The following SUGCT variants were observed in gnomAD, a reference collection of about 807,000 sequenced individuals.
The protein encoded by SUGCT is succinyl-CoA:glutarate-CoA transferase.
In SUGCT, 41 loss-of-function variants were observed where a neutral mutation model predicts 55.0. That is an observed-to-expected ratio of 0.74 (90% CI 0.58 to 0.97). The LOEUF is 0.97. Among genes scored for constraint, SUGCT ranks in the 50% least tolerant of loss-of-function variants. The pLI is 0.00. For synonymous variants in SUGCT, 187 were observed against 200.4 expected (o/e 0.93, Z 0.56); for missense variants, 568 against 547.8 (o/e 1.04, Z -0.37).
At chr7:40,322,885 G>A (rs1795825022) in intron 9 of SUGCT, among the ~76,000 whole-genome samples, 1 of 152,004 alleles carries the variant, frequency 6.6e-6, no homozygotes, top group Non-Finnish European at 1.5e-5. Flanking sequence ...CCTCCCACCT[G>A]ACTTGGAAGG....
chr7:40,989,136 G>C, the SUGCT span, among the ~76,000 whole-genome samples: 1 of 152,050 alleles, frequency 6.6e-6, no homozygotes, highest in Admixed American at 6.6e-5. Context: ...ATCATTTGAG[G>C]CTTCAGCACA....
intron 1 of SUGCT, chr7:40,153,363 T>TG (rs1347284182): frequency 1.1e-5 from 4 of 360,512 alleles, no homozygotes; most frequent in African/African-American, 4.3e-5. Context: ...GAAGAGATTC[T>TG]GGGGGTGATG....
At chr7:41,001,029 T>A in the SUGCT span, among the ~76,000 whole-genome samples, 1 of 152,194 alleles carries the variant, frequency 6.6e-6, no homozygotes, top group Non-Finnish European at 1.5e-5. Flanking sequence ...CAGCCATATA[T>A]CCATGTGGAG....
intron 7 of SUGCT, among the ~76,000 whole-genome samples, chr7:40,254,062 C>T (rs976950669): frequency 4.6e-5 from 7 of 152,172 alleles, no homozygotes; most frequent in Non-Finnish European, 1.0e-4. Context: ...TTCGTTATTT[C>T]ATAAAAGTTA....
At chr7:40,999,785 C>A in the SUGCT span, among the ~76,000 whole-genome samples, 9 of 152,174 alleles carry the variant, frequency 5.9e-5, no homozygotes, top group African/African-American at 2.2e-4. Context: ...CTTCCTTCAT[C>A]CTTCCTCCAT....
intron 13 of SUGCT, among the ~76,000 whole-genome samples, chr7:40,856,400 C>T (rs1794169995): frequency 6.6e-6 from 1 of 152,088 alleles, no homozygotes; most frequent in Non-Finnish European, 1.5e-5. Context: ...TTAACCAGTG[C>T]CCAACTTTTG....
chr7:40,593,265 T>C (rs1797824991), intron 12 of SUGCT, among the ~76,000 whole-genome samples: 1 of 152,168 alleles, frequency 6.6e-6, no homozygotes, highest in Non-Finnish European at 1.5e-5. Flanking sequence ...CCTTTTCTAC[T>C]GGTTTAACAA....
At chr7:40,892,643 C>T in the SUGCT span, among the ~76,000 whole-genome samples, 3 of 152,144 alleles carry the variant, frequency 2.0e-5, no homozygotes, top group Admixed American at 2.0e-4. Context: ...AAGCAATCCT[C>T]CCTCCTCAGC....
rs148306347 is a variant in SUGCT, at chr7:40,156,323, C to T, written c.100+21203C>T. 4.5e-3 allele frequency among the ~76,000 whole-genome samples: 678 copies of T among 152,088 alleles called. 5 individuals carry two copies. Among genetic ancestry groups the T allele is most frequent in the African/African-American group, 0.015 (626 of 41,524 alleles). ...CTAAAAATACAAAAAATTAGCCCGG[C>T]GTGGTGAAGGGCACCTGTAGTCGCA... On this transcript the variant is annotated intron_variant, in intron 1 of 13. Transcript: ENST00000335693.
At chr7:40,620,873 G>C (rs1799232097) in intron 12 of SUGCT, among the ~76,000 whole-genome samples, 1 of 152,156 alleles carries the variant, frequency 6.6e-6, no homozygotes, top group African/African-American at 2.4e-5. Flanking sequence ...CAAAACAGTA[G>C]GGGAAACTTC....
the SUGCT span, among the ~76,000 whole-genome samples, chr7:41,035,451 G>A: frequency 5.9e-5 from 9 of 152,226 alleles, no homozygotes; most frequent in South Asian, 2.1e-4. Context: ...GAGGGGCTGC[G>A]TTGTTTCCAT....
intron 6 of SUGCT, among the ~76,000 whole-genome samples, chr7:40,196,986 C>T (rs1022147050): frequency 2.6e-5 from 4 of 152,026 alleles, no homozygotes; most frequent in African/African-American, 9.7e-5. Context: ...GGGCATGTAC[C>T]ACCTTGCCTG....
At chr7:40,552,045 C>T (rs1166147324) in intron 12 of SUGCT, among the ~76,000 whole-genome samples, 1 of 152,124 alleles carries the variant, frequency 6.6e-6, no homozygotes, top group Admixed American at 6.5e-5. Context: ...CTATGAGGTG[C>T]TAGAGAATTG....
intron 7 of SUGCT, among the ~76,000 whole-genome samples, chr7:40,249,313 C>CTATCTATATCTATATATCTATCTA (rs1324264789): frequency 3.8e-5 from 3 of 79,510 alleles, no homozygotes; most frequent in Non-Finnish European, 6.8e-5. Flanking sequence ...CACCAAAAAG[C>CTATCTATATCTATATATCTATCTA]TATATATATA....
At chr7:40,220,801 TG>T (rs1163989172) in intron 6 of SUGCT, among the ~76,000 whole-genome samples, 14 of 152,332 alleles carry the variant, frequency 9.2e-5, no homozygotes, top group Non-Finnish European at 1.6e-4. Context: ...GAACCTGGGC[TG>T]ACTCACCCAA....
chr7:40,519,300 G>A (rs1042647136), intron 12 of SUGCT, among the ~76,000 whole-genome samples: 3 of 152,050 alleles, frequency 2.0e-5, no homozygotes, highest in African/African-American at 7.2e-5. Flanking sequence ...GTAAAACAGG[G>A]TGGAATCTGA....
chr7:40,536,831 G>C (rs1291374762), intron 12 of SUGCT, among the ~76,000 whole-genome samples: 2 of 152,164 alleles, frequency 1.3e-5, no homozygotes, highest in African/African-American at 2.4e-5. Context: ...TTAAGCTCTC[G>C]TATGTGCTAC....
chr7:40,883,474 C>T, the SUGCT span, among the ~76,000 whole-genome samples: 1 of 152,190 alleles, frequency 6.6e-6, no homozygotes, highest in Non-Finnish European at 1.5e-5. Context: ...CAGATCTTTA[C>T]TCTGACCCAT....
chr7:40,597,121 T>C (rs1014237794), intron 12 of SUGCT, among the ~76,000 whole-genome samples: 1 of 152,348 alleles, frequency 6.6e-6, no homozygotes. Flanking sequence ...CTAGAACTTA[T>C]ATCTTTTTGT....
Sources: gnomAD v4.1 joint callset for allele counts (sites outside exome capture counted in the v4.1 genomes callset) on GRCh38, gnomAD v4.1.1 for gene constraint, MANE v1.5 for transcripts, NCBI Gene and HGNC (gene_info 2026-07-23, HGNC 2026-07-21) for gene names.